CCDC171: variants seen among roughly 807,000 people sequenced by gnomAD.
CCDC171 encodes the protein coiled-coil domain-containing protein 171.
A neutral mutation model predicts 168.2 loss-of-function variants in CCDC171; 177 were observed. That is an observed-to-expected ratio of 1.05 (90% confidence interval 0.93 to 1.19). The LOEUF is 1.19. Ranked by LOEUF, CCDC171 falls within the 50% of genes most tolerant of loss-of-function variation. CCDC171 has a pLI of 0.00. For synonymous variants in CCDC171, 687 were observed against 540.8 expected (o/e 1.27, Z -3.75); for missense variants, 1,991 against 1,539.0 (o/e 1.29, Z -4.91).
chr9:15,818,326 C>T (rs887365413), intron 21 of CCDC171, among the ~76,000 whole-genome samples: 1 of 117,988 alleles, frequency 8.5e-6, no homozygotes, highest in African/African-American at 3.2e-5. Flanking sequence ...TCACCAGCAA[C>T]GGACCAAAGC....
intron 6 of CCDC171, among the ~76,000 whole-genome samples, chr9:15,616,676 T>C (rs994566445): frequency 1.3e-5 from 2 of 152,210 alleles, no homozygotes; most frequent in African/African-American, 4.8e-5. Context: ...AGTGACTGAA[T>C]TAATACTGGG....
Position 15,624,119 on chromosome 9 carries a change from C to T in CCDC171, c.822+706C>T, listed in dbSNP as rs183375755. On this transcript the variant is annotated intron_variant, in intron 7 of 25. Coordinates refer to ENST00000380701, the MANE Select transcript of CCDC171 (RefSeq NM_173550.4). ...TACTAGAGTTAACACTTATTAAACT[C>T]ACTGTGTCACTTAACACTGTTAAGA... Among the ~76,000 whole-genome samples the T allele has an allele frequency of 2.1e-4, 32 of 152,138 alleles. No homozygotes were observed. The East Asian group carries it at 5.2e-3, about 25-fold the overall frequency.
At chr9:16,020,161 A>G (rs1442349150) in intron 3 of CCDC171, among the ~76,000 whole-genome samples, 2 of 152,238 alleles carry the variant, frequency 1.3e-5, no homozygotes, top group African/African-American at 4.8e-5. Flanking sequence ...AAAATTCCAT[A>G]CATAACACCG....
intron 11 of CCDC171, among the ~76,000 whole-genome samples, chr9:15,713,329 C>A (rs1413196745): frequency 1.5e-5 from 2 of 130,822 alleles, no homozygotes; most frequent in Admixed American, 1.6e-4. Flanking sequence ...TTTTTTTTTT[C>A]TATTTGTGAG....
intron 18 of CCDC171, among the ~76,000 whole-genome samples, chr9:15,758,724 T>C (rs544102326): frequency 6.6e-6 from 1 of 152,286 alleles, no homozygotes; most frequent in South Asian, 2.1e-4. Flanking sequence ...GATAATTGAA[T>C]CATGGGGTTA....
intron 16 of CCDC171, among the ~76,000 whole-genome samples, chr9:15,733,312 A>AT (rs1191265078): frequency 1.3e-5 from 2 of 151,984 alleles, no homozygotes; most frequent in Non-Finnish European, 2.9e-5. Flanking sequence ...CCATTTATCA[A>AT]TTTTTTTATG....
chr9:15,724,723 C>T (rs953348797), intron 13 of CCDC171, 53 bp from the exon 14 acceptor site: 26 of 1,215,942 alleles, frequency 2.1e-5, no homozygotes, highest in African/African-American at 2.1e-4. Flanking sequence ...AGTGTCCCCT[C>T]ACCCCTTGTT....
At chr9:15,733,114 T>C (rs551306059) in intron 16 of CCDC171, among the ~76,000 whole-genome samples, 84 of 152,314 alleles carry the variant, frequency 5.5e-4, no homozygotes, top group African/African-American at 1.9e-3. Flanking sequence ...TATATCTTTT[T>C]TGGTGAGTTA....
the CCDC171 span, among the ~76,000 whole-genome samples, chr9:16,081,150 G>T: frequency 1.1e-4 from 17 of 152,286 alleles, 1 homozygote; most frequent in East Asian, 3.3e-3. Context: ...CTTCTGGGAA[G>T]CCCAGTGGGT....
At chr9:15,717,285 T>G (rs1374478516) in intron 11 of CCDC171, among the ~76,000 whole-genome samples, 1 of 152,186 alleles carries the variant, frequency 6.6e-6, no homozygotes, top group Non-Finnish European at 1.5e-5. Context: ...AGGGAACATT[T>G]AGACTAGTCC....
rs570347806 is a variant in CCDC171 at position 15,598,242 on chromosome 9, G to T, written c.675+4070G>T. ...TCTAGTTCTTTTAATTGTGATGTTA[G>T]GGTGTCAATTTTAGATCTTTCCTGC... On this transcript the variant is annotated intron_variant, in intron 6 of 25. Transcript: ENST00000380701. Among the ~76,000 whole-genome samples, 3 of 152,050 alleles carry T rather than the reference G, an allele frequency of 2.0e-5. No homozygotes were observed. In the South Asian group the frequency reaches 6.2e-4, roughly 32 times the overall value.
At chr9:15,792,600 G>T (rs969966262) in intron 21 of CCDC171, among the ~76,000 whole-genome samples, 1 of 152,092 alleles carries the variant, frequency 6.6e-6, no homozygotes, top group Non-Finnish European at 1.5e-5. Context: ...ACAAAGGGAA[G>T]CCCATCAGAC....
At chr9:15,969,140 G>A (rs1831100554) in intron 25 of CCDC171, among the ~76,000 whole-genome samples, 1 of 152,090 alleles carries the variant, frequency 6.6e-6, no homozygotes, top group African/African-American at 2.4e-5. Flanking sequence ...AAATACTAGG[G>A]AAATAACACC....
chr9:15,818,133 C>A lies in CCDC171; in HGVS notation c.3268-28569C>A, dbSNP rs550159380. On this transcript the variant is annotated intron_variant, in intron 21 of 25. Coordinates refer to ENST00000380701, the MANE Select transcript of CCDC171 (RefSeq NM_173550.4). The stretch of plus-strand genomic sequence containing the variant: ...CCCCAACAGACCTGCAGCTGAGGAT[C>A]CTGACTGTTAGAAGGAAAACTAACA... Among the ~76,000 whole-genome samples the A allele has an allele frequency of 2.5e-5, 3 of 117,818 alleles. 1 individual carries two copies. The highest frequency in any genetic ancestry group is 2.8e-4 in the South Asian group (1 of 3,538). 77.3% of individuals were successfully genotyped at this position (117,818 alleles called of 152,430 possible). A position where few individuals can be genotyped will look rare whatever the true frequency, so the allele number is the denominator to read the frequency against.
chr9:15,597,200 GA>G (rs2042439176), intron 6 of CCDC171, among the ~76,000 whole-genome samples: 1 of 152,064 alleles, frequency 6.6e-6, no homozygotes, highest in African/African-American at 2.4e-5. Flanking sequence ...GGAGTAGTGA[GA>G]GGGGGCATCC....
intron 18 of CCDC171, among the ~76,000 whole-genome samples, chr9:15,771,922 T>G (rs2057033645): frequency 6.6e-6 from 1 of 152,166 alleles, no homozygotes; most frequent in Non-Finnish European, 1.5e-5. Context: ...AACCTCTGCC[T>G]CCCGGGTTCA....
intron 21 of CCDC171, among the ~76,000 whole-genome samples, chr9:15,812,944 C>G (rs1368656881): frequency 6.6e-6 from 1 of 152,178 alleles, no homozygotes; most frequent in Non-Finnish European, 1.5e-5. Flanking sequence ...GTGGTAACTA[C>G]TGAGCACTAT....
At chr9:16,061,406 A>G (rs1051955629), downstream of CCDC171, 1 of 152,184 alleles carries the variant, frequency 6.6e-6, no homozygotes, top group African/African-American at 2.4e-5. Context: ...TTGAGTCTTA[A>G]TCTATTAGAT....
rs76629748 is a variant in CCDC171 at position 16,055,446 on chromosome 9, T to C, written n.90-5200T>C. Among the ~76,000 whole-genome samples the C allele has an allele frequency of 5.0e-3, 768 of 152,082 alleles. 3 individuals carry two copies. Among genetic ancestry groups the C allele is most frequent in the African/African-American group, 0.018 (738 of 41,490 alleles). On this transcript the variant is annotated intron_variant and non_coding_transcript_variant, in intron 1 of 1. Coordinates refer to the CCDC171 transcript ENST00000478913. ...TGTGAAGAGGAAGAGGAGACCGGTG[T>C]AGTAGGAGAAGAACCTGCTGAGGGA...
Sources: allele counts gnomAD v4.1 joint callset (sites outside exome capture counted in the v4.1 genomes callset), GRCh38; gene constraint gnomAD v4.1.1; transcripts MANE v1.5; gene names NCBI Gene and HGNC (gene_info 2026-07-23, HGNC 2026-07-21).